TIAL1: variants seen among roughly 807,000 people sequenced by gnomAD.
TIAL1 encodes nucleolysin TIAR.
A neutral mutation model predicts 59.7 loss-of-function variants in TIAL1; 7 were observed. The observed-to-expected ratio is 0.12, with a 90% CI of 0.07 to 0.22. The LOEUF is 0.22. Among genes scored for constraint, TIAL1 ranks in the 10% least tolerant of loss-of-function variants. The pLI, the probability that TIAL1 is intolerant of heterozygous loss-of-function variation, is 1.00. For synonymous variants in TIAL1, 149 were observed against 146.3 expected (o/e 1.02, Z -0.13); for missense variants, 225 against 462.5 (o/e 0.49, Z 4.71).
At position 119,596,756 on chromosome 10, in the gene TIAL1, G is replaced by T; in HGVS notation, c.-291C>A. The T allele has an allele frequency of 2.0e-6, 1 of 510,020 alleles. No homozygotes were observed. The highest frequency in any genetic ancestry group is 3.5e-6 in the Non-Finnish European group (1 of 284,480). 31.6% of individuals were successfully genotyped at this position (510,020 alleles called of 1,614,324 possible). On this transcript the variant is annotated 5_prime_UTR_variant, in exon 1 of 12. In the 5' UTR this introduces an upstream ATG that the reference lacks. Coordinates refer to ENST00000436547, the MANE Select transcript of TIAL1 (RefSeq NM_003252.4). ...GTCACCGCTCAGGCCAGCCGCGACA[G>T]CCTGCAAGGGGGACGACCGAGGGGA...
At chr10:119,594,278 G>C (rs566050251) in intron 1 of TIAL1, among the ~76,000 whole-genome samples, 39 of 152,274 alleles carry the variant, frequency 2.6e-4, no homozygotes, top group African/African-American at 8.9e-4. Flanking sequence ...AAGGAAATAA[G>C]TGACAAAGAA....
chr10:119,585,387 C>T (rs886841745), intron 2 of TIAL1, among the ~76,000 whole-genome samples: 2 of 150,828 alleles, frequency 1.3e-5, no homozygotes, highest in African/African-American at 4.9e-5. Flanking sequence ...GAGGTGGAGG[C>T]TGCAGTGAGC....
Position 119,575,394 on chromosome 10 carries a change from C to G in TIAL1, c.*271G>C. ...GTATTAGCCATTTTTCCTATTATAT[C>G]AAAATTTGTAGTCAGAATTGTCTTT... On this transcript the variant is annotated 3_prime_UTR_variant, in exon 12 of 12. Transcript: ENST00000436547. 1 of 282,332 alleles carries G rather than the reference C, an allele frequency of 3.5e-6. No individual in the cohort carries two copies. Among genetic ancestry groups the G allele is most frequent in the Non-Finnish European group, 6.7e-6 (1 of 150,128 alleles). The allele number at this position is 282,332 out of a possible 1,614,324, so 17.5% of individuals were successfully genotyped here. A position where few individuals can be genotyped will look rare whatever the true frequency, so the allele number is the denominator to read the frequency against.
At chr10:119,577,039 A>G (rs1845027307) in intron 10 of TIAL1, 41 bp downstream of exon 10, 5 of 1,606,192 alleles carry the variant, frequency 3.1e-6, no homozygotes, top group Non-Finnish European at 4.2e-6. Flanking sequence ...TGTGACATGT[A>G]AGATGGAAAC....
intron 1 of TIAL1, among the ~76,000 whole-genome samples, chr10:119,592,988 A>C (rs947228049): frequency 3.3e-5 from 5 of 152,242 alleles, no homozygotes; most frequent in Non-Finnish European, 7.3e-5. Flanking sequence ...AGGAAGAAAG[A>C]ATAGCCTTAA....
intron 1 of TIAL1, among the ~76,000 whole-genome samples, chr10:119,590,738 AAGAGAGAGAGACAGAGAG>A (rs1424694968): frequency 2.2e-5 from 3 of 135,708 alleles, no homozygotes; most frequent in Non-Finnish European, 4.8e-5. Context: ...GAAAGAGAGA[AAGAGAGAGAGACAGAGAG>A]AAAGAGAGAA....
At chr10:119,577,353 G>A in intron 9 of TIAL1, 98 bp downstream of exon 9, 1 of 1,436,786 alleles carries the variant, frequency 7.0e-7, no homozygotes, top group Non-Finnish European at 9.4e-7. Flanking sequence ...ATACTGCAAA[G>A]AAGCACTAAA....
chr10:119,584,029 A>G (rs1204242374), intron 2 of TIAL1, among the ~76,000 whole-genome samples: 1 of 152,220 alleles, frequency 6.6e-6, no homozygotes, highest in African/African-American at 2.4e-5. Flanking sequence ...GTCTCTAAGG[A>G]AAACACTGAT....
chr10:119,577,223 T>C lies in TIAL1; in HGVS notation c.738-20A>G, dbSNP rs755089273. 4 of 1,584,994 alleles carry C rather than the reference T, an allele frequency of 2.5e-6. No homozygotes were observed. The highest frequency in any genetic ancestry group is 3.4e-6 in the Non-Finnish European group (4 of 1,170,966). ...GAAAATCTAAGAAAGAAAAATGATA[T>C]GGTTTTGTCTTTTATTTTTTAAGAA... On this transcript the variant is annotated intron_variant, in intron 9 of 11. Coordinates refer to ENST00000436547, the MANE Select transcript of TIAL1 (RefSeq NM_003252.4).
rs1479997066 is a variant in TIAL1, at chr10:119,588,180, G to T, written c.101C>A (p.Pro34His). The T allele has an allele frequency of 6.3e-7, 1 of 1,596,200 alleles. No individual in the cohort carries two copies. Among genetic ancestry groups the T allele is most frequent in the Non-Finnish European group, 8.5e-7 (1 of 1,169,658 alleles). ...TGTTATCATTTTACAGCTTTTACAG[G>T]GTCCAATCTGACTGAACAACTGAAG... Reference protein sequence around the residue: ...LILQLFSQIGPCKSCKMITEH... With the variant: ...LILQLFSQIGHCKSCKMITEH... The change falls in exon 2 of 12, where the codon CCC becomes CAC. Residue 34 changes from proline (P) to histidine (H), a missense_variant. By Grantham distance (77) the Pro-to-His change is moderately conservative (BLOSUM62 -2). This residue lies in a region of TIAL1 where 39 missense variants were observed against 59.5 expected (regional missense o/e 0.66). Coordinates refer to ENST00000436547, the MANE Select transcript of TIAL1 (RefSeq NM_003252.4).
At chr10:119,588,812 A>AC (rs1845706871) in intron 1 of TIAL1, among the ~76,000 whole-genome samples, 2 of 152,164 alleles carry the variant, frequency 1.3e-5, no homozygotes. Context: ...GATCTTGTAT[A>AC]CCCCAATGGC....
chr10:119,583,186 T>G (rs1320786176), intron 2 of TIAL1, among the ~76,000 whole-genome samples: 1 of 152,188 alleles, frequency 6.6e-6, no homozygotes, highest in Admixed American at 6.5e-5. Context: ...AATAGTCTAA[T>G]GTACTGAAGA....
rs368489602 is a variant in TIAL1 at position 119,577,554 on chromosome 10, A to T, written c.653-19T>A. 1 of 1,611,202 alleles carries T rather than the reference A, an allele frequency of 6.2e-7. No individual in the cohort carries two copies. The highest frequency in any genetic ancestry group is 8.5e-7 in the Non-Finnish European group (1 of 1,177,542). On this transcript the variant is annotated intron_variant, in intron 8 of 11. Transcript: ENST00000436547. Reference sequence around the variant, plus strand: ...AGCTGATCTATAAAACAAAACATACAAATAAAACATGGCTGATGTGTATCA... The same window carrying T: ...AGCTGATCTATAAAACAAAACATACTAATAAAACATGGCTGATGTGTATCA...
intron 1 of TIAL1, chr10:119,592,140 C>T (rs1845913966): frequency 6.6e-6 from 1 of 151,984 alleles, no homozygotes; most frequent in South Asian, 2.1e-4. Context: ...CACAAAATAA[C>T]AGAAAAAAGA....
chr10:119,587,326 G>C (rs1845618085), intron 2 of TIAL1, among the ~76,000 whole-genome samples: 1 of 152,082 alleles, frequency 6.6e-6, no homozygotes, highest in Non-Finnish European at 1.5e-5. Context: ...CCTTTATTTG[G>C]AATCCCTTCT....
In TIAL1 at chr10:119,577,488, T is replaced by A; in HGVS notation, c.700A>T (p.Ile234Leu). ...TFSPFGQIME[I>L]RVFPEKGYSF... ...TAGCCCTTTTCTGGGAAAACTCTTA[T>A]TTCCATAATTTGTCCAAATGGTGAG... Residue 234 changes from isoleucine to leucine, a missense_variant, in exon 9 of 12, where the codon ATA becomes TTA. Around this residue, in one of 4 missense-constraint regions of TIAL1, gnomAD observed 80 missense variants for 158.8 expected, o/e 0.50. Coordinates refer to ENST00000436547, the MANE Select transcript of TIAL1 (RefSeq NM_003252.4). The A allele has an allele frequency of 6.2e-7, 1 of 1,613,958 alleles. No homozygotes were observed. The highest frequency in any genetic ancestry group is 8.5e-7 in the Non-Finnish European group (1 of 1,179,932).
At chr10:119,581,107 A>C (rs560042631) in intron 5 of TIAL1, among the ~76,000 whole-genome samples, 2 of 152,236 alleles carry the variant, frequency 1.3e-5, no homozygotes, top group South Asian at 4.1e-4. Context: ...CTTAGTTGAA[A>C]CACTTTCCTG....
rs1554862468 is a variant in TIAL1, at chr10:119,574,607, A to AG, written c.*1057_*1058insC. 6.8e-6 allele frequency: 1 copy of AG among 148,044 alleles called. No homozygotes were observed. The highest frequency in any genetic ancestry group is 1.5e-5 in the Non-Finnish European group (1 of 67,114). The allele number at this position is 148,044 out of a possible 1,614,324, so 9.2% of individuals were successfully genotyped here. The stretch of plus-strand genomic sequence containing the variant: ...AAAGCAAAAAAAAAAAAAAAAAAAA[A>AG]CAAAAACAAAAAACTAATTCCCAAT... On this transcript the variant is annotated 3_prime_UTR_variant, in exon 12 of 12. Coordinates refer to ENST00000436547, the MANE Select transcript of TIAL1 (RefSeq NM_003252.4).
chr10:119,588,310 T>C (rs1845671101), intron 1 of TIAL1, 62 bp from the exon 2 acceptor site: 3 of 881,922 alleles, frequency 3.4e-6, no homozygotes, highest in African/African-American at 3.5e-5. Flanking sequence ...TAATGTGTTA[T>C]CATCTAATTC....
Sources: gnomAD v4.1 joint callset for allele counts (sites outside exome capture counted in the v4.1 genomes callset) on GRCh38, gnomAD v4.1.1 for gene constraint, gnomAD v4.1.1 regional missense constraint, MANE v1.5 for transcripts, NCBI Gene and HGNC (gene_info 2026-07-23, HGNC 2026-07-21) for gene names.